The following CHST15 variants were observed in gnomAD, a reference collection of about 807,000 sequenced individuals.
CHST15 encodes the protein carbohydrate sulfotransferase 15.
A neutral mutation model predicts 53.6 loss-of-function variants in CHST15; 30 were observed. The observed-to-expected ratio is 0.56, with a 90% CI of 0.42 to 0.76. The LOEUF is 0.76. Among genes scored for constraint, CHST15 ranks in the 30% least tolerant of loss-of-function variants. The pLI is 0.00. For synonymous variants in CHST15, 296 were observed against 289.8 expected (o/e 1.02, Z -0.22); for missense variants, 627 against 740.5 (o/e 0.85, Z 1.78).
chr10:124,029,458 T>C (rs1189652007), intron 5 of CHST15, among the ~76,000 whole-genome samples: 1 of 152,204 alleles, frequency 6.6e-6, no homozygotes, highest in Non-Finnish European at 1.5e-5. Context: ...AGGCCCTAGG[T>C]TCCTTGTGCA....
chr10:124,023,296 G>A (rs959651635), intron 5 of CHST15, among the ~76,000 whole-genome samples: 13 of 151,806 alleles, frequency 8.6e-5, no homozygotes, highest in African/African-American at 3.1e-4. Flanking sequence ...TCCAGCCCAG[G>A]CAACATAGTG....
intron 1 of CHST15, chr10:124,092,269 T>C: frequency 6.5e-6 from 1 of 154,768 alleles, no homozygotes; most frequent in Non-Finnish European, 1.4e-5. Context: ...GCCGCTGCCA[T>C]CCGGCTCCCC....
intron 1 of CHST15, among the ~76,000 whole-genome samples, chr10:124,086,753 C>T (rs1255619810): frequency 6.6e-6 from 1 of 152,122 alleles, no homozygotes; most frequent in African/African-American, 2.4e-5. Flanking sequence ...TCCCCTGAAC[C>T]CTGAATTGTA....
chr10:124,011,698 C>G (rs1590170618), intron 7 of CHST15: 1 of 985,474 alleles, frequency 1.0e-6, no homozygotes, highest in Non-Finnish European at 1.2e-6. Context: ...CAAAGTGACT[C>G]TCAGGCCCCT....
chr10:124,011,135 AG>A, intron 7 of CHST15: 3 of 951,622 alleles, frequency 3.2e-6, no homozygotes, highest in Non-Finnish European at 3.8e-6. Context: ...CAGAACAGCA[AG>A]GGCTGCGACC....
chr10:124,079,917 C>T (rs533973774), intron 1 of CHST15, among the ~76,000 whole-genome samples: 63 of 152,310 alleles, frequency 4.1e-4, no homozygotes, highest in African/African-American at 1.4e-3. Context: ...CTGTGTTCAC[C>T]TTTGGGAATT....
chr10:124,082,509 A>G (rs4929816), intron 1 of CHST15, among the ~76,000 whole-genome samples: 40,347 of 152,130 alleles, frequency 0.27, 6,168 homozygotes, highest in South Asian at 0.37. Flanking sequence ...CCAGGGAAAG[A>G]GTGTTGTTTA....
intron 5 of CHST15, among the ~76,000 whole-genome samples, chr10:124,034,608 C>CAGGGACCCTGGTTCTACCCCCTAAG (rs1947356423): frequency 1.4e-5 from 2 of 138,908 alleles, no homozygotes; most frequent in African/African-American, 5.8e-5. Context: ...CACCCCCTAA[C>CAGGGACCCTGGTTCTACCCCCTAAG]AGGGACCCTG....
rs146019458 is a variant in CHST15, at chr10:124,013,950, T to C, written c.1348-1470A>G. 3.0e-4 allele frequency among the ~76,000 whole-genome samples: 45 copies of C among 152,346 alleles called. No individual in the cohort carries two copies. In the East Asian group the frequency reaches 7.7e-3, roughly 26 times the overall value. ...GGCTAGTCCTCCTTCCCCTGGTCTCTGCACTCTCATATGCACCCTGCCACC... is the reference window on the plus strand; with the variant it reads ...GGCTAGTCCTCCTTCCCCTGGTCTCCGCACTCTCATATGCACCCTGCCACC... On this transcript the variant is annotated intron_variant, in intron 6 of 7. Coordinates refer to ENST00000435907, the MANE Select transcript of CHST15 (RefSeq NM_001270764.2).
In CHST15 at chr10:124,039,974, C is replaced by T. The variant is rs375217761; in HGVS notation, c.1034-1303G>A. On this transcript the variant is annotated intron_variant, in intron 4 of 7. Transcript: ENST00000435907. Reference sequence around the variant, plus strand: ...AGGCCCCTATCATTTCTGTCGGATGCGTAATCACATCCAGGTGAACAGCTC... The same window carrying T: ...AGGCCCCTATCATTTCTGTCGGATGTGTAATCACATCCAGGTGAACAGCTC... Among the ~76,000 whole-genome samples, 6 of 152,236 alleles carry T rather than the reference C, an allele frequency of 3.9e-5. No individual in the cohort carries two copies. The East Asian group carries it at 9.7e-4, about 25-fold the overall frequency.
At position 124,007,807 on chromosome 10, in the gene CHST15, C is replaced by G. The variant is rs1946310899; in HGVS notation, c.*2342G>C. ...ACAGGACTAAGGGAGTACAATTTAACACGGTCACAACTTTTGAGAACAAAA... is the reference window on the plus strand; with the variant it reads ...ACAGGACTAAGGGAGTACAATTTAAGACGGTCACAACTTTTGAGAACAAAA... On this transcript the variant is annotated 3_prime_UTR_variant, in exon 8 of 8. Transcript: ENST00000435907. 8.1e-7 allele frequency: 1 copy of G among 1,231,950 alleles called. No homozygotes were observed. Among genetic ancestry groups the G allele is most frequent in the South Asian group, 4.1e-5 (1 of 24,254 alleles). 76.3% of individuals were successfully genotyped at this position (1,231,950 alleles called of 1,614,324 possible).
intron 1 of CHST15, among the ~76,000 whole-genome samples, chr10:124,081,900 C>T (rs1590366969): frequency 6.6e-6 from 1 of 152,182 alleles, no homozygotes; most frequent in Non-Finnish European, 1.5e-5. Flanking sequence ...TTGCTTATTA[C>T]GGGCTTGGCC....
chr10:124,067,316 A>G (rs1181689142), intron 1 of CHST15, among the ~76,000 whole-genome samples: 5 of 152,244 alleles, frequency 3.3e-5, no homozygotes, highest in Non-Finnish European at 5.9e-5. Context: ...CAATTTGCTC[A>G]GTAATCAGTG....
intron 1 of CHST15, among the ~76,000 whole-genome samples, chr10:124,064,181 T>C (rs541281933): frequency 2.1e-4 from 32 of 150,548 alleles, no homozygotes; most frequent in African/African-American, 7.6e-4. Context: ...TAAAACGAAA[T>C]CTCAAAAAAA....
rs149444631 is a variant in CHST15 at position 124,025,426 on chromosome 10, A to C, written c.1191-4014T>G. On this transcript the variant is annotated intron_variant, in intron 5 of 7. Coordinates refer to ENST00000435907, the MANE Select transcript of CHST15 (RefSeq NM_001270764.2). ...AAGAGACTCCTTTGGCCTCTCAGTC[A>C]CCTCTGGGTACTTTGGATCTGCTCA... Among the ~76,000 whole-genome samples the C allele has an allele frequency of 6.3e-3, 957 of 152,182 alleles. 8 individuals are homozygous for C. Among genetic ancestry groups the C allele is most frequent in the African/African-American group, 0.021 (879 of 41,514 alleles).
chr10:124,079,434 G>A (rs775674423), intron 1 of CHST15, among the ~76,000 whole-genome samples: 5 of 152,220 alleles, frequency 3.3e-5, no homozygotes, highest in Non-Finnish European at 5.9e-5. Flanking sequence ...GCATTAACAC[G>A]TCATTAACAA....
chr10:124,035,194 C>G (rs1171677833), intron 5 of CHST15, among the ~76,000 whole-genome samples: 39 of 150,226 alleles, frequency 2.6e-4, no homozygotes, highest in Middle Eastern at 3.5e-3. Flanking sequence ...TGGTTCCACC[C>G]CTAACGGGGA....
chr10:124,068,607 C>T (rs1269608581), intron 1 of CHST15, among the ~76,000 whole-genome samples: 1 of 152,176 alleles, frequency 6.6e-6, no homozygotes, highest in Non-Finnish European at 1.5e-5. Context: ...AAATGAATTA[C>T]TTTGCTGTCT....
At position 124,007,855 on chromosome 10, in the gene CHST15, G is replaced by A. The variant is rs1423764828; in HGVS notation, c.*2294C>T. The stretch of plus-strand genomic sequence containing the variant: ...AAAAGGAACTTCAATACCATGTTGT[G>A]AGAAATGCTCCAATTTGCTTTGGTT... On this transcript the variant is annotated 3_prime_UTR_variant, in exon 8 of 8. Transcript: ENST00000435907. 8.1e-7 allele frequency: 1 copy of A among 1,232,134 alleles called. No individual in the cohort carries two copies. The allele number at this position is 1,232,134 out of a possible 1,614,324, so 76.3% of individuals were successfully genotyped here.
Sources: allele counts gnomAD v4.1 joint callset (sites outside exome capture counted in the v4.1 genomes callset), GRCh38; gene constraint gnomAD v4.1.1; transcripts MANE v1.5; gene names NCBI Gene and HGNC (gene_info 2026-07-23, HGNC 2026-07-21).